Variants in PCLO observed in about 807,000 individuals in gnomAD.
The protein encoded by PCLO is protein piccolo.
PCLO carries 82 observed loss-of-function variants against 427.5 expected under a neutral mutation model. That is an observed-to-expected ratio of 0.19 (90% CI 0.16 to 0.23). PCLO has a LOEUF of 0.23. PCLO is among the 10% of genes least tolerant of loss of function. The pLI is 1.00. For missense variants in PCLO, 6,239 were observed against 6,115.9 expected (o/e 1.02, Z -0.67); for synonymous variants, 2,357 against 2,155.4 (o/e 1.09, Z -2.59).
chr7:82,770,247 T>A (rs1790620940), intron 22 of PCLO, among the ~76,000 whole-genome samples: 2 of 150,266 alleles, frequency 1.3e-5, no homozygotes, highest in African/African-American at 2.5e-5. Flanking sequence ...TATTCCCTTA[T>A]TCTTTTTTTA....
chr7:82,781,122 T>A, intron 22 of PCLO, among the ~76,000 whole-genome samples: 1 of 151,922 alleles, frequency 6.6e-6, no homozygotes, highest in East Asian at 1.9e-4. Context: ...AATAAATTAA[T>A]AAAAAATCAA....
intron 4 of PCLO, among the ~76,000 whole-genome samples, chr7:82,962,433 G>A (rs1795674758): frequency 6.6e-6 from 1 of 151,952 alleles, no homozygotes; most frequent in Non-Finnish European, 1.5e-5. Flanking sequence ...AATGTTGTTG[G>A]AAGAAACAAA....
intron 3 of PCLO, among the ~76,000 whole-genome samples, chr7:82,983,438 T>C (rs934829384): frequency 6.6e-6 from 1 of 150,942 alleles, no homozygotes; most frequent in Non-Finnish European, 1.5e-5. Context: ...ATGTTTAATT[T>C]ATTAAAATAC....
At chr7:82,991,416 T>A (rs903874653) in intron 3 of PCLO, among the ~76,000 whole-genome samples, 1 of 152,132 alleles carries the variant, frequency 6.6e-6, no homozygotes, top group African/African-American at 2.4e-5. Context: ...AGTGGTCATT[T>A]AAAATTTAAT....
intron 3 of PCLO, among the ~76,000 whole-genome samples, chr7:83,104,628 A>T (rs752973135): frequency 5.3e-5 from 8 of 152,094 alleles, no homozygotes; most frequent in Non-Finnish European, 7.4e-5. Flanking sequence ...AGCTGATTTT[A>T]ATTATCTTAA....
rs150233054 is a variant in PCLO at position 83,062,290 on chromosome 7, C to T, written c.3300+71960G>A. On this transcript the variant is annotated intron_variant, in intron 3 of 24. Coordinates refer to ENST00000333891, the MANE Select transcript of PCLO (RefSeq NM_033026.6). ...TGCTAAGAAGTAACATTTCTTTTCA[C>T]CAATGTGCTAAATCATAGGTAAAAT... Among the ~76,000 whole-genome samples the T allele has an allele frequency of 8.3e-3, 1,258 of 152,106 alleles. 11 individuals are homozygous for T. The highest frequency in any genetic ancestry group is 0.014 in the Non-Finnish European group (933 of 67,962).
At chr7:83,067,629 T>G (rs1280295922) in intron 3 of PCLO, among the ~76,000 whole-genome samples, 1 of 152,340 alleles carries the variant, frequency 6.6e-6, no homozygotes, top group South Asian at 2.1e-4. Flanking sequence ...CCAACTGGCC[T>G]GGCTCCCACA....
chr7:82,935,433 TA>T (rs1226063312), intron 6 of PCLO, among the ~76,000 whole-genome samples: 21 of 151,332 alleles, frequency 1.4e-4, no homozygotes, highest in African/African-American at 4.8e-4. Context: ...GAAACATCCA[TA>T]AAATACCTGT....
intron 3 of PCLO, among the ~76,000 whole-genome samples, chr7:83,010,181 C>T (rs1788044039): frequency 6.6e-6 from 1 of 151,898 alleles, no homozygotes; most frequent in African/African-American, 2.4e-5. Context: ...TTTCCTAGCA[C>T]TCCATTCTAG....
At chr7:83,038,031 T>TATATA (rs1562932995) in intron 3 of PCLO, among the ~76,000 whole-genome samples, 33 of 17,224 alleles carry the variant, frequency 1.9e-3, no homozygotes, top group Non-Finnish European at 2.3e-3. Context: ...ATATATATAT[T>TATATA]TATATATTTA....
intron 2 of PCLO, among the ~76,000 whole-genome samples, chr7:83,150,261 G>A (rs191314156): frequency 1.5e-4 from 23 of 152,302 alleles, no homozygotes; most frequent in East Asian, 9.7e-4. Flanking sequence ...CAGGTTCTGT[G>A]TCAAAATGCA....
At position 83,055,335 on chromosome 7, in the gene PCLO, G is replaced by C. The variant is rs1319604086; in HGVS notation, c.3300+78915C>G. Among the ~76,000 whole-genome samples the C allele has an allele frequency of 2.6e-5, 4 of 152,034 alleles. No individual in the cohort carries two copies. In the East Asian group the frequency reaches 7.7e-4, roughly 29 times the overall value. On this transcript the variant is annotated intron_variant, in intron 3 of 24. Coordinates refer to ENST00000333891, the MANE Select transcript of PCLO (RefSeq NM_033026.6). ...TGACATTCCATCACAATTACTTATT[G>C]ATTTTATTTGAAGAGACTCACCACA... is the stretch of plus-strand genomic sequence containing the variant.
intron 10 of PCLO, among the ~76,000 whole-genome samples, chr7:82,851,685 A>T (rs1792659265): frequency 1.3e-5 from 2 of 152,244 alleles, no homozygotes; most frequent in South Asian, 4.1e-4. Context: ...TCTTTTCCAT[A>T]CTAAGATTAT....
At chr7:82,851,044 G>A (rs1584047652) in intron 10 of PCLO, among the ~76,000 whole-genome samples, 1 of 152,140 alleles carries the variant, frequency 6.6e-6, no homozygotes, top group East Asian at 1.9e-4. Context: ...TGTGGGATTG[G>A]TGACCTTGAG....
intron 22 of PCLO, among the ~76,000 whole-genome samples, chr7:82,792,476 C>T (rs1426164325): frequency 2.6e-5 from 4 of 151,680 alleles, no homozygotes; most frequent in Admixed American, 6.6e-5. Context: ...ACAGGCATGG[C>T]GCCACCACAC....
intron 3 of PCLO, among the ~76,000 whole-genome samples, chr7:83,060,792 G>A (rs1789524928): frequency 1.3e-5 from 2 of 152,158 alleles, no homozygotes; most frequent in Non-Finnish European, 2.9e-5. Flanking sequence ...GTTAGCCACA[G>A]TTGCTGAATC....
At chr7:82,842,418 G>A (rs1452230248) in intron 13 of PCLO, among the ~76,000 whole-genome samples, 1 of 151,962 alleles carries the variant, frequency 6.6e-6, no homozygotes, top group African/African-American at 2.4e-5. Context: ...TTAAATATAA[G>A]ACCTGAAAAT....
chr7:82,968,622 A>T (rs978905171), intron 3 of PCLO, among the ~76,000 whole-genome samples: 3 of 150,958 alleles, frequency 2.0e-5, no homozygotes, highest in African/African-American at 7.3e-5. Flanking sequence ...CGGGTTCAAG[A>T]AATTCTCCTG....
At chr7:82,968,030 T>G (rs1393841885) in intron 3 of PCLO, among the ~76,000 whole-genome samples, 5 of 152,224 alleles carry the variant, frequency 3.3e-5, no homozygotes, top group Non-Finnish European at 7.3e-5. Context: ...TACTAAAAGA[T>G]ATCTAAGTTT....
Sources: allele counts gnomAD v4.1 joint callset (sites outside exome capture counted in the v4.1 genomes callset), GRCh38; gene constraint gnomAD v4.1.1; transcripts MANE v1.5; gene names NCBI Gene and HGNC (gene_info 2026-07-23, HGNC 2026-07-21).